ATP1A3: variants seen among roughly 807,000 people sequenced by gnomAD.
ATP1A3 encodes sodium/potassium-transporting ATPase subunit alpha-3.
Under a neutral mutation model 108.8 loss-of-function variants are expected in ATP1A3, and 12 were observed. That is an observed-to-expected ratio of 0.11 (90% confidence interval 0.07 to 0.18). The LOEUF (loss-of-function observed/expected upper bound fraction) is 0.18, where lower values mean the gene tolerates loss of function less well. ATP1A3 is among the 10% of genes least tolerant of loss of function. The probability of loss-of-function intolerance (pLI) is 1.00; values close to 1 mark genes in which losing one functional copy is unlikely to be tolerated. For synonymous variants in ATP1A3, 539 were observed against 564.5 expected, an observed-to-expected ratio of 0.95 and a Z score of 0.64; for missense variants, 498 against 1,387.7, an observed-to-expected ratio of 0.36 and a Z score of 10.19.
At chr19:41,973,427 T>A (rs1224565326) in intron 16 of ATP1A3, among the ~76,000 whole-genome samples, 2 of 152,170 alleles carry the variant, frequency 1.3e-5, no homozygotes, top group Admixed American at 6.5e-5. Context: ...TGCTAATTTT[T>A]AAAATTTTTT....
rs2075200422 is a variant in ATP1A3, at chr19:41,978,881, C to A, written c.1438-83G>T. Reference sequence around the variant, plus strand: ...GCCCCATCCTGTCCCCTGTCCAGAGCCACGGGTGCCAGGATAGGCCCACAC... The same window carrying A: ...GCCCCATCCTGTCCCCTGTCCAGAGACACGGGTGCCAGGATAGGCCCACAC... On this transcript the variant is annotated intron_variant, in intron 11 of 22. Transcript: ENST00000648268. This position sits in a 1 kb window ranked among gnomAD's most constrained non-coding sequence, Gnocchi z 8.3. The A allele has an allele frequency of 1.4e-6, 2 of 1,443,320 alleles. No individual in the cohort carries two copies. Among genetic ancestry groups the A allele is most frequent in the Non-Finnish European group, 1.9e-6 (2 of 1,042,428 alleles). The allele number at this position is 1,443,320 out of a possible 1,614,324, so 89.4% of individuals were successfully genotyped here. A position where few individuals can be genotyped will look rare whatever the true frequency, so the allele number is the denominator to read the frequency against.
intron 14 of ATP1A3, among the ~76,000 whole-genome samples, chr19:41,977,142 G>T (rs531242226): frequency 6.6e-6 from 1 of 151,804 alleles, no homozygotes; most frequent in African/African-American, 2.4e-5. Context: ...GGAGATAAAT[G>T]GACAAGCTGA....
intron 14 of ATP1A3, among the ~76,000 whole-genome samples, chr19:41,977,008 A>G (rs1353195595): frequency 6.6e-6 from 1 of 151,472 alleles, no homozygotes; most frequent in Non-Finnish European, 1.5e-5. Flanking sequence ...GGGTTTTGCC[A>G]TGTTGGCCAG....
At chr19:41,993,742 C>CGCTG in intron 1 of ATP1A3, 1 of 602,658 alleles carries the variant, frequency 1.7e-6, no homozygotes, top group South Asian at 2.0e-5. Context: ...CCCACACACT[C>CGCTG]GCTGCCAGGG....
chr19:41,974,179 C>T (rs1051942301), intron 16 of ATP1A3, among the ~76,000 whole-genome samples: 4 of 152,008 alleles, frequency 2.6e-5, no homozygotes, highest in South Asian at 2.1e-4. Context: ...TACAGTAAGC[C>T]GAGATTGCAT....
chr19:41,988,065 G>A lies in ATP1A3; in HGVS notation c.228C>T (p.Thr76=), dbSNP rs782395510. 1.2e-6 allele frequency: 2 copies of A among 1,614,178 alleles called. No individual in the cohort carries two copies. Among genetic ancestry groups the A allele is most frequent in the Non-Finnish European group, 1.7e-6 (2 of 1,180,036 alleles). ...GCCGGCAAAACTTGACCCACTCTGGGGTGGTAGGCGGTGGCGTGAGTGCGT... is the reference window on the plus strand; with the variant it reads ...GCCGGCAAAACTTGACCCACTCTGGAGTGGTAGGCGGTGGCGTGAGTGCGT... The part of the protein sequence containing the change: ...GPNALTPPPT[T]PEWVKFCRQL... Residue 76 remains threonine (T), a synonymous_variant, in exon 4 of 23, where the codon ACC becomes ACT. Coordinates refer to ENST00000648268, the MANE Select transcript of ATP1A3 (RefSeq NM_152296.5). The surrounding 1 kb of genome is among the most constrained non-coding windows in gnomAD (Gnocchi z 5.3).
Position 41,976,583 on chromosome 19 carries a change from G to C in ATP1A3, c.1944-17C>G. 6.2e-7 allele frequency: 1 copy of C among 1,613,784 alleles called. No homozygotes were observed. The highest frequency in any genetic ancestry group is 1.1e-5 in the South Asian group (1 of 91,072). On this transcript the variant is annotated splice_polypyrimidine_tract_variant and intron_variant, in intron 14 of 22. Transcript: ENST00000648268. ...TTGGCATCCCTGGGAAGAGCAGAGA[G>C]AGCGATGGCTGAGGTCAGGGTGTGT... is the stretch of plus-strand genomic sequence containing the variant.
Position 41,988,249 on chromosome 19 carries a change from A to G in ATP1A3, c.153+69T>C. 6.2e-7 allele frequency: 1 copy of G among 1,612,514 alleles called. No individual in the cohort carries two copies. The highest frequency in any genetic ancestry group is 8.5e-7 in the Non-Finnish European group (1 of 1,178,668). ...CCAGCCACAGCCCCTCCTCCCTCAG[A>G]CCCAGGGGTCCTAGCCCCCAGCTCC... is the stretch of plus-strand genomic sequence containing the variant. On this transcript the variant is annotated intron_variant, in intron 3 of 22. Coordinates refer to ENST00000648268, the MANE Select transcript of ATP1A3 (RefSeq NM_152296.5). The surrounding 1 kb of genome is among the most constrained non-coding windows in gnomAD (Gnocchi z 5.3).
intron 16 of ATP1A3, among the ~76,000 whole-genome samples, chr19:41,970,865 C>T (rs528303453): frequency 4.3e-4 from 65 of 151,994 alleles, no homozygotes; most frequent in African/African-American, 1.5e-3. Flanking sequence ...ATCTCCTGAC[C>T]TCGTGATCTG....
rs200184508 is a variant in ATP1A3 at position 41,973,511 on chromosome 19, C to G, written c.2263+2118G>C. 8.5e-5 allele frequency among the ~76,000 whole-genome samples: 13 copies of G among 152,336 alleles called. No homozygotes were observed. The East Asian group carries it at 2.5e-3, about 29-fold the overall frequency. Reference sequence around the variant, plus strand: ...GCTCAAGCGATCCTCCCGCCTTGGTCTCCCAAAGTGCTGGGATTACAGGCG... The same window carrying G: ...GCTCAAGCGATCCTCCCGCCTTGGTGTCCCAAAGTGCTGGGATTACAGGCG... On this transcript the variant is annotated intron_variant, in intron 16 of 22. Transcript: ENST00000648268.
At chr19:41,971,672 G>A (rs1313761229) in intron 16 of ATP1A3, among the ~76,000 whole-genome samples, 2 of 152,152 alleles carry the variant, frequency 1.3e-5, no homozygotes, top group Admixed American at 6.6e-5. Flanking sequence ...ACTCCAACTG[G>A]AGCAGGCTCA....
At position 41,981,852 on chromosome 19, in the gene ATP1A3, G is replaced by C. The variant is rs1555863555; in HGVS notation, c.1193-21C>G. Reference sequence around the variant, plus strand: ...GGTCCCTGGGGGAGGCATGTGTGAGGGCCAGGGACTCCTGGAGCCAGGCCC... The same window carrying C: ...GGTCCCTGGGGGAGGCATGTGTGAGCGCCAGGGACTCCTGGAGCCAGGCCC... On this transcript the variant is annotated intron_variant, in intron 9 of 22. Transcript: ENST00000648268. The surrounding 1 kb of genome is among the most constrained non-coding windows in gnomAD (Gnocchi z 5.0). 1 of 1,614,200 alleles carries C rather than the reference G, an allele frequency of 6.2e-7. No individual in the cohort carries two copies. Among genetic ancestry groups the C allele is most frequent in the East Asian group, 2.2e-5 (1 of 44,884 alleles).
At chr19:41,990,675 C>CATAT (rs5828137) in intron 1 of ATP1A3, among the ~76,000 whole-genome samples, 49 of 145,186 alleles carry the variant, frequency 3.4e-4, no homozygotes, top group South Asian at 1.1e-3. Flanking sequence ...TCTCTCTGTC[C>CATAT]ATATATATAT....
In ATP1A3 at chr19:41,982,095, C is replaced by T. The variant is rs781976856; in HGVS notation, c.1005G>A (p.Thr335=). 1.9e-5 allele frequency: 31 copies of T among 1,613,974 alleles called. 1 individual carries two copies. In the Middle Eastern group the frequency reaches 4.9e-4, roughly 26 times the overall value. Residue 335 remains threonine (T), a synonymous_variant, in exon 9 of 23, where the codon ACG becomes ACA. Coordinates refer to ENST00000648268, the MANE Select transcript of ATP1A3 (RefSeq NM_152296.5). ...TCCGGGCCATGCGCTTGGCGGTCAGCGTCAGACACACCTGGAGGACGAGCA... is the reference window on the plus strand; with the variant it reads ...TCCGGGCCATGCGCTTGGCGGTCAGTGTCAGACACACCTGGAGGACGAGCA... ...GLLATVTVCL[T]LTAKRMARKN... is the part of the protein sequence containing the mutation.
chr19:41,966,655 G>A lies in ATP1A3; in HGVS notation c.*282C>T, dbSNP rs539551681. The stretch of plus-strand genomic sequence containing the variant: ...GCATCAGCCGGGGGGCTGAAGGGGA[G>A]TAAAAAAGAGCCCAGGGAGGTGGCT... On this transcript the variant is annotated 3_prime_UTR_variant, in exon 23 of 23. Coordinates refer to ENST00000648268, the MANE Select transcript of ATP1A3 (RefSeq NM_152296.5). 2 of 1,519,822 alleles carry A rather than the reference G, an allele frequency of 1.3e-6. No individual in the cohort carries two copies. The highest frequency in any genetic ancestry group is 1.2e-5 in the South Asian group (1 of 82,928). The allele number at this position is 1,519,822 out of a possible 1,614,324, so 94.1% of individuals were successfully genotyped here.
At chr19:41,977,414 A>C (rs1448364071) in intron 14 of ATP1A3, among the ~76,000 whole-genome samples, 3 of 151,350 alleles carry the variant, frequency 2.0e-5, no homozygotes, top group African/African-American at 4.8e-5. Flanking sequence ...GGCCGGGCGC[A>C]GTGGCTCACG....
At chr19:41,980,853 G>A (rs2075223283) in intron 11 of ATP1A3, among the ~76,000 whole-genome samples, 1 of 151,884 alleles carries the variant, frequency 6.6e-6, no homozygotes, top group Non-Finnish European at 1.5e-5. Flanking sequence ...GGAGCTTGCA[G>A]TGAGCTGAGA....
At chr19:41,982,326 T>A (rs2075241713) in intron 8 of ATP1A3, among the ~76,000 whole-genome samples, 1 of 152,122 alleles carries the variant, frequency 6.6e-6, no homozygotes, top group Non-Finnish European at 1.5e-5. Context: ...AGCAGCCACA[T>A]GCATAATAGT....
In ATP1A3 at chr19:41,967,711, G is replaced by A; in HGVS notation, c.2872C>T (p.Leu958=). The change falls in exon 21 of 23, where the codon CTG becomes TTG. Residue 958 remains leucine, a synonymous_variant. Coordinates refer to ENST00000648268, the MANE Select transcript of ATP1A3 (RefSeq NM_152296.5). This position sits in a 1 kb window ranked among gnomAD's most constrained non-coding sequence, Gnocchi z 4.2. ...ACGTCCATGCCGGGGCAGTAGGACA[G>A]GAAGGCAGCCAGGGCCGTCTCCTCA... is the stretch of plus-strand genomic sequence containing the variant. ...LFEETALAAF[L]SYCPGMDVAL... The A allele has an allele frequency of 6.2e-7, 1 of 1,614,072 alleles. No homozygotes were observed. The highest frequency in any genetic ancestry group is 8.5e-7 in the Non-Finnish European group (1 of 1,179,994).
Sources: gnomAD v4.1 joint callset for allele counts (sites outside exome capture counted in the v4.1 genomes callset) on GRCh38, gnomAD v4.1.1 for gene constraint, Gnocchi (gnomAD v3.1) non-coding constraint, MANE v1.5 for transcripts, NCBI Gene and HGNC (gene_info 2026-07-23, HGNC 2026-07-21) for gene names.